The following PKNOX2 variants were observed in gnomAD, a reference collection of about 807,000 sequenced individuals.
The protein encoded by PKNOX2 is PBX/knotted 1 homeobox 2.
A neutral mutation model predicts 53.1 loss-of-function variants in PKNOX2; 14 were observed. The ratio of observed to expected loss-of-function variants is 0.26; its 90% CI spans 0.17 to 0.41. The LOEUF is 0.41. Ranked by LOEUF, PKNOX2 falls within the 10% of genes least tolerant of loss-of-function variation. The pLI is 1.00. For synonymous variants in PKNOX2, 257 were observed against 242.8 expected (o/e 1.06, Z -0.54); for missense variants, 496 against 602.8 (o/e 0.82, Z 1.85).
chr11:125,197,124 C>G (rs926007584), intron 1 of PKNOX2, among the ~76,000 whole-genome samples: 1 of 152,238 alleles, frequency 6.6e-6, no homozygotes, highest in Non-Finnish European at 1.5e-5. Flanking sequence ...AGCCGGGACC[C>G]CTGCTTCTCT....
intron 3 of PKNOX2, among the ~76,000 whole-genome samples, chr11:125,342,730 TGTGA>T (rs1302950221): frequency 1.3e-5 from 2 of 149,854 alleles, no homozygotes; most frequent in Non-Finnish European, 3.0e-5. Context: ...TCTGTTTCTC[TGTGA>T]GTGTGTGCAG....
intron 1 of PKNOX2, among the ~76,000 whole-genome samples, chr11:125,192,329 C>T (rs117496495): frequency 2.0e-5 from 3 of 152,280 alleles, no homozygotes; most frequent in East Asian, 1.9e-4. Context: ...CATTCACAGG[C>T]GCTGCGGCTA....
chr11:125,430,677 A>G (rs540238711), intron 12 of PKNOX2, among the ~76,000 whole-genome samples: 7 of 152,148 alleles, frequency 4.6e-5, no homozygotes, highest in Non-Finnish European at 1.0e-4. Flanking sequence ...GCGTGTGTGC[A>G]CACATAACCT....
chr11:125,331,521 T>C (rs1157077650), intron 2 of PKNOX2: 3 of 152,360 alleles, frequency 2.0e-5, no homozygotes, highest in African/African-American at 7.2e-5. Flanking sequence ...CAGGCACCTG[T>C]CCACACTTGG....
chr11:125,308,412 C>T lies in PKNOX2; in HGVS notation c.-129-23407C>T, dbSNP rs189968120. On this transcript the variant is annotated intron_variant, in intron 2 of 12. Coordinates refer to ENST00000298282, the MANE Select transcript of PKNOX2 (RefSeq NM_001382323.2). ...TGCTCATGCTCTGGGGAAGACTCAG[C>T]GGGAGCTGCATTCCTCCAGACATGT... is the stretch of plus-strand genomic sequence containing the variant. 2.6e-3 allele frequency among the ~76,000 whole-genome samples: 399 copies of T among 152,268 alleles called. 4 individuals carry two copies. The highest frequency in any genetic ancestry group is 3.4e-3 in the Non-Finnish European group (233 of 68,032).
At chr11:125,164,901 G>C (rs1275101355) in intron 1 of PKNOX2, 125 bp downstream of exon 1, 3 of 155,488 alleles carry the variant, frequency 1.9e-5, no homozygotes, top group Non-Finnish European at 4.3e-5. Flanking sequence ...CCAAGCCAGA[G>C]TATTATTCAT....
chr11:125,259,449 C>T (rs1261642699), intron 2 of PKNOX2, among the ~76,000 whole-genome samples: 1 of 152,068 alleles, frequency 6.6e-6, no homozygotes, highest in Non-Finnish European at 1.5e-5. Context: ...GTTTTAAGAT[C>T]ACTCCCCGAG....
At chr11:125,179,393 G>A (rs534620346) in intron 1 of PKNOX2, among the ~76,000 whole-genome samples, 1 of 152,230 alleles carries the variant, frequency 6.6e-6, no homozygotes, top group African/African-American at 2.4e-5. Context: ...TATCCAGAGA[G>A]AGCAGGGCAG....
Position 125,402,810 on chromosome 11 carries a change from G to A in PKNOX2, c.588+4748G>A, listed in dbSNP as rs374342718. Among the ~76,000 whole-genome samples the A allele has an allele frequency of 8.7e-4, 133 of 152,284 alleles. 1 individual carries two copies. The highest frequency in any genetic ancestry group is 3.1e-3 in the African/African-American group (129 of 41,552). ...TCAGCATCCTTCATCCTTCCTCAGA[G>A]GGGGACCAAGTCCCAGACCCAGCCC... is the stretch of plus-strand genomic sequence containing the variant. On this transcript the variant is annotated intron_variant, in intron 7 of 12. Coordinates refer to ENST00000298282, the MANE Select transcript of PKNOX2 (RefSeq NM_001382323.2).
rs150787902 is a variant in PKNOX2 at position 125,279,505 on chromosome 11, C to T, written c.-130+44390C>T. On this transcript the variant is annotated intron_variant, in intron 2 of 12. Coordinates refer to ENST00000298282, the MANE Select transcript of PKNOX2 (RefSeq NM_001382323.2). The stretch of plus-strand genomic sequence containing the variant: ...GTGAGAGCTTTACCCCGGCTGTGAA[C>T]TCCCAGTCTGAAGCTGTGGCTGGTA... Among the ~76,000 whole-genome samples, 897 of 152,378 alleles carry T rather than the reference C, an allele frequency of 5.9e-3. 20 individuals are homozygous for T. The highest frequency in any genetic ancestry group is 0.021 in the African/African-American group (866 of 41,592).
At chr11:125,393,247 A>T (rs1053689818) in intron 6 of PKNOX2, among the ~76,000 whole-genome samples, 1 of 152,048 alleles carries the variant, frequency 6.6e-6, no homozygotes, top group African/African-American at 2.4e-5. Flanking sequence ...ATATAGTAAG[A>T]CTCAATACTT....
At chr11:125,261,389 T>A (rs1326294336) in intron 2 of PKNOX2, among the ~76,000 whole-genome samples, 1 of 152,222 alleles carries the variant, frequency 6.6e-6, no homozygotes, top group East Asian at 1.9e-4. Context: ...TGCCTGCACT[T>A]TGCCTTAAGA....
At chr11:125,397,592 A>G (rs1257068002) in intron 6 of PKNOX2, among the ~76,000 whole-genome samples, 8 of 152,230 alleles carry the variant, frequency 5.3e-5, no homozygotes, top group Non-Finnish European at 1.0e-4. Flanking sequence ...GCTAAGGCCA[A>G]TGCTGTTCTC....
At chr11:125,363,688 G>A (rs1322766025) in intron 4 of PKNOX2, among the ~76,000 whole-genome samples, 1 of 152,228 alleles carries the variant, frequency 6.6e-6, no homozygotes, top group East Asian at 1.9e-4. Flanking sequence ...CAAATCTGGA[G>A]TGGCCAGTTC....
chr11:125,164,979 G>C (rs1201028171), intron 1 of PKNOX2, among the ~76,000 whole-genome samples: 1 of 151,866 alleles, frequency 6.6e-6, no homozygotes, highest in Non-Finnish European at 1.5e-5. Context: ...GAGGCAGCAG[G>C]GAGGAGGGAG....
In PKNOX2 at chr11:125,193,755, G is replaced by A. The variant is rs139223889; in HGVS notation, c.-201+28979G>A. The stretch of plus-strand genomic sequence containing the variant: ...GACCCAGTGTCCTCACCAGTAAGAC[G>A]TGGGGCTGGATGAGAGGCAGCACGG... On this transcript the variant is annotated intron_variant, in intron 1 of 12. Coordinates refer to ENST00000298282, the MANE Select transcript of PKNOX2 (RefSeq NM_001382323.2). 4.9e-3 allele frequency among the ~76,000 whole-genome samples: 739 copies of A among 152,296 alleles called. 5 individuals carry two copies. Among genetic ancestry groups the A allele is most frequent in the African/African-American group, 0.014 (593 of 41,562 alleles).
At chr11:125,222,034 C>A (rs1489029860) in intron 1 of PKNOX2, among the ~76,000 whole-genome samples, 3 of 152,132 alleles carry the variant, frequency 2.0e-5, no homozygotes, top group Admixed American at 6.5e-5. Context: ...GAGAATCATG[C>A]CTTTCAAAGC....
chr11:125,386,123 A>T (rs976967509), intron 6 of PKNOX2, among the ~76,000 whole-genome samples: 2 of 152,214 alleles, frequency 1.3e-5, no homozygotes, highest in African/African-American at 4.8e-5. Flanking sequence ...GTGCCACTGT[A>T]TGGAGGATGA....
intron 3 of PKNOX2, among the ~76,000 whole-genome samples, chr11:125,343,015 GCT>G (rs1471622247): frequency 6.6e-6 from 1 of 152,130 alleles, no homozygotes; most frequent in Non-Finnish European, 1.5e-5. Flanking sequence ...GGCAGAATCC[GCT>G]CTCTAGGTTA....
Sources: gnomAD v4.1 joint callset for allele counts (sites outside exome capture counted in the v4.1 genomes callset) on GRCh38, gnomAD v4.1.1 for gene constraint, MANE v1.5 for transcripts, NCBI Gene and HGNC (gene_info 2026-07-23, HGNC 2026-07-21) for gene names.